USP34: variants seen among roughly 807,000 people sequenced by gnomAD.
The protein encoded by USP34 is ubiquitin specific peptidase 34.
In USP34, 70 loss-of-function variants were observed where a neutral mutation model predicts 460.3. The observed-to-expected ratio is 0.15, with a 90% CI of 0.13 to 0.19. USP34 has a LOEUF of 0.19. USP34 is among the 10% of genes least tolerant of loss of function. USP34 has a pLI of 1.00. For missense variants in USP34, 3,985 were observed against 4,236.2 expected (o/e 0.94, Z 1.65); for synonymous variants, 1,647 against 1,405.3 (o/e 1.17, Z -3.85).
intron 53 of USP34, among the ~76,000 whole-genome samples, chr2:61,240,280 C>A (rs1444713593): frequency 1.3e-5 from 2 of 152,020 alleles, no homozygotes; most frequent in African/African-American, 4.8e-5. Flanking sequence ...CATTTGTATT[C>A]CTTAATATGT....
At chr2:61,209,804 A>G (rs896667070) in intron 69 of USP34, among the ~76,000 whole-genome samples, 2 of 152,232 alleles carry the variant, frequency 1.3e-5, no homozygotes, top group Non-Finnish European at 2.9e-5. Context: ...GACAGCTCTA[A>G]GCTAGTTACT....
intron 10 of USP34, among the ~76,000 whole-genome samples, chr2:61,351,841 T>TA (rs2103787667): frequency 6.6e-6 from 1 of 152,316 alleles, no homozygotes; most frequent in South Asian, 2.1e-4. Flanking sequence ...AGTATCCATT[T>TA]AAAAAACAAT....
chr2:61,250,743 T>C (rs980531347), intron 48 of USP34: 1 of 152,400 alleles, frequency 6.6e-6, no homozygotes, highest in African/African-American at 2.4e-5. Context: ...ACTTGTTCTG[T>C]AACTCCTGCA....
At chr2:61,316,970 T>C (rs1475374298) in intron 23 of USP34, among the ~76,000 whole-genome samples, 1 of 152,192 alleles carries the variant, frequency 6.6e-6, no homozygotes, top group Admixed American at 6.5e-5. Context: ...GAGATACAAG[T>C]ATTCTTTTTT....
At chr2:61,334,113 A>C in intron 18 of USP34, 142 bp from the exon 19 acceptor site, 1 of 522,220 alleles carries the variant, frequency 1.9e-6, no homozygotes, top group Middle Eastern at 5.6e-4. Context: ...TTTTTTTCTC[A>C]GAAGTATAAA....
chr2:61,279,158 T>C (rs1289467322), intron 39 of USP34, among the ~76,000 whole-genome samples: 2 of 152,072 alleles, frequency 1.3e-5, no homozygotes, highest in Non-Finnish European at 1.5e-5. Flanking sequence ...ACAATAAGTA[T>C]ATTAAAACTT....
At chr2:61,254,119 A>G (rs1171234256) in intron 48 of USP34, among the ~76,000 whole-genome samples, 1 of 152,162 alleles carries the variant, frequency 6.6e-6, no homozygotes, top group Non-Finnish European at 1.5e-5. Flanking sequence ...ACCTGACAAA[A>G]CACATCACTA....
At chr2:61,233,786 G>A (rs945001423) in intron 57 of USP34, among the ~76,000 whole-genome samples, 5 of 151,550 alleles carry the variant, frequency 3.3e-5, no homozygotes, top group East Asian at 1.9e-4. Context: ...AGTGAGCTAT[G>A]ACTGTGCACC....
intron 10 of USP34, among the ~76,000 whole-genome samples, chr2:61,353,473 C>T (rs188643937): frequency 9.1e-4 from 138 of 151,266 alleles, no homozygotes; most frequent in Non-Finnish European, 1.5e-3. Flanking sequence ...CTCACTGCCA[C>T]GTGTGCCTCC....
intron 13 of USP34, 28 bp from the exon 14 acceptor site, chr2:61,348,914 C>A: frequency 6.3e-7 from 1 of 1,582,126 alleles, no homozygotes. Flanking sequence ...TTTGTTTTTA[C>A]TTCTAATTTA....
intron 1 of USP34, among the ~76,000 whole-genome samples, chr2:61,431,211 T>C (rs1694667035): frequency 1.3e-5 from 2 of 152,106 alleles, no homozygotes; most frequent in African/African-American, 4.8e-5. Context: ...TTGTTGTTCT[T>C]TGGAGCTTTA....
rs1019473904 is a variant in USP34 at position 61,279,549 on chromosome 2, C to T, written c.5256+695G>A. On this transcript the variant is annotated intron_variant, in intron 39 of 79. Coordinates refer to ENST00000398571, the MANE Select transcript of USP34 (RefSeq NM_014709.4). ...CGTGATCTCAGCTCACTGACTGCAA[C>T]CTCTGCCTCCCGGGTTCAAGCGATT... 3.3e-5 allele frequency among the ~76,000 whole-genome samples: 5 copies of T among 152,180 alleles called. No individual in the cohort carries two copies. The East Asian group carries it at 9.7e-4, about 29-fold the overall frequency.
chr2:61,389,726 G>A (rs1418559771), intron 5 of USP34, among the ~76,000 whole-genome samples: 8 of 151,830 alleles, frequency 5.3e-5, no homozygotes, highest in African/African-American at 1.9e-4. Context: ...ATCCTACAGT[G>A]TGTCCTTTAT....
chr2:61,469,168 T>C (rs1179084150), intron 1 of USP34, among the ~76,000 whole-genome samples: 3 of 152,058 alleles, frequency 2.0e-5, no homozygotes, highest in East Asian at 1.9e-4. Context: ...GATCATGCCA[T>C]TGCCCTCCAG....
At chr2:61,447,272 A>AAC (rs1695147976) in intron 1 of USP34, among the ~76,000 whole-genome samples, 2 of 149,684 alleles carry the variant, frequency 1.3e-5, no homozygotes, top group African/African-American at 2.5e-5. Context: ...AAAAAAAAAA[A>AAC]AAAAAAAAAA....
In USP34 at chr2:61,296,843, C is replaced by A. The variant is rs1558515550; in HGVS notation, c.4211G>T (p.Cys1404Phe). 1 of 1,613,816 alleles carries A rather than the reference C, an allele frequency of 6.2e-7. No individual in the cohort carries two copies. Among genetic ancestry groups the A allele is most frequent in the Admixed American group, 1.7e-5 (1 of 59,978 alleles). The change falls in exon 30 of 80, where the codon TGT becomes TTT. Residue 1404 changes from cysteine (C) to phenylalanine (F), a missense_variant. Coordinates refer to ENST00000398571, the MANE Select transcript of USP34 (RefSeq NM_014709.4). ...CTGGAATGCCATCAACATATTAGGA[C>A]ATGTAGGAAGAAGCATCAGTAGCTC... ...VWELLMLLPT[C>F]PNMLMAFQNI... is the part of the protein sequence containing the mutation.
chr2:61,388,792 C>T (rs1693250639), intron 5 of USP34, among the ~76,000 whole-genome samples: 1 of 151,874 alleles, frequency 6.6e-6, no homozygotes, highest in Admixed American at 6.6e-5. Flanking sequence ...TATGTACACA[C>T]ACACACACAC....
chr2:61,373,811 C>A (rs779622675), intron 8 of USP34, among the ~76,000 whole-genome samples: 1 of 152,134 alleles, frequency 6.6e-6, no homozygotes, highest in Non-Finnish European at 1.5e-5. Flanking sequence ...GATCTTGAAT[C>A]TGAAAAACCT....
chr2:61,400,090 G>A (rs986783306), intron 3 of USP34, among the ~76,000 whole-genome samples: 1 of 148,402 alleles, frequency 6.7e-6, no homozygotes, highest in African/African-American at 2.5e-5. Context: ...AAATAAATGA[G>A]TAACTATACA....
Sources: gnomAD v4.1 joint callset for allele counts (sites outside exome capture counted in the v4.1 genomes callset) on GRCh38, gnomAD v4.1.1 for gene constraint, MANE v1.5 for transcripts, NCBI Gene and HGNC (gene_info 2026-07-23, HGNC 2026-07-21) for gene names.